BANK1: variants seen among roughly 807,000 people sequenced by gnomAD.
The protein encoded by BANK1 is B cell scaffold protein with ankyrin repeats 1, also known as B-cell scaffold protein with ankyrin repeats.
In BANK1, 95 loss-of-function variants were observed where a neutral mutation model predicts 94.5. That is an observed-to-expected ratio of 1.00 (90% CI 0.85 to 1.19). The LOEUF (loss-of-function observed/expected upper bound fraction) is 1.19, where lower values mean the gene tolerates loss of function less well. Among genes scored for constraint, BANK1 ranks in the 50% most tolerant of loss-of-function variants. The pLI is 0.00. For synonymous variants in BANK1, 334 were observed against 308.4 expected, an observed-to-expected ratio of 1.08 and a Z score of -0.87; for missense variants, 987 against 932.2, an observed-to-expected ratio of 1.06 and a Z score of -0.77.
intron 6 of BANK1, among the ~76,000 whole-genome samples, chr4:101,900,094 A>G (rs944207242): frequency 2.6e-5 from 4 of 152,160 alleles, no homozygotes; most frequent in African/African-American, 9.7e-5. Context: ...TGGACATAGT[A>G]TTTTCTCCCA....
chr4:101,894,232 T>A lies in BANK1; in HGVS notation c.904-1073T>A, dbSNP rs1054955628. Among the ~76,000 whole-genome samples the A allele has an allele frequency of 4.6e-5, 7 of 152,048 alleles. No homozygotes were observed. The South Asian group carries it at 8.3e-4, about 18-fold the overall frequency. On this transcript the variant is annotated intron_variant, in intron 5 of 16. Coordinates refer to ENST00000322953, the MANE Select transcript of BANK1 (RefSeq NM_017935.5). ...AGCTTTTTGTCACATTTTCCCTTCT[T>A]TTTTAAAAAAATGTAATCCAGAGCT...
chr4:102,002,205 C>T (rs1196599123), intron 7 of BANK1, among the ~76,000 whole-genome samples: 3 of 152,118 alleles, frequency 2.0e-5, no homozygotes, highest in African/African-American at 7.2e-5. Flanking sequence ...AGCACTTTAC[C>T]TCTTTCACAC....
chr4:101,793,024 G>A (rs1246776322), intron 1 of BANK1, among the ~76,000 whole-genome samples: 5 of 152,060 alleles, frequency 3.3e-5, no homozygotes, highest in African/African-American at 1.2e-4. Context: ...GTTTTAATTA[G>A]GGAGTGATTA....
At chr4:101,949,170 A>G (rs1166792382) in intron 7 of BANK1, among the ~76,000 whole-genome samples, 3 of 152,010 alleles carry the variant, frequency 2.0e-5, no homozygotes, top group Non-Finnish European at 4.4e-5. Context: ...GCTCTATGCA[A>G]TCTCTCATAT....
At chr4:101,813,772 G>A in intron 1 of BANK1, 1 of 643,284 alleles carries the variant, frequency 1.6e-6, no homozygotes, top group Non-Finnish European at 1.9e-6. Flanking sequence ...GGAGGCCTTG[G>A]GGAGCTTCTG....
intron 5 of BANK1, among the ~76,000 whole-genome samples, chr4:101,881,171 T>G (rs751540730): frequency 2.0e-5 from 3 of 151,848 alleles, no homozygotes; most frequent in Non-Finnish European, 4.4e-5. Context: ...GCAAACTACC[T>G]ATCTAACAAG....
rs528546364 is a variant in BANK1 at position 101,931,919 on chromosome 4, A to T, written c.1206+13730A>T. Reference sequence around the variant, plus strand: ...CATGGGCCATGGCAAAGCTATAAAAATCCATAACAATTCAGGAGTAACTAA... The same window carrying T: ...CATGGGCCATGGCAAAGCTATAAAATTCCATAACAATTCAGGAGTAACTAA... On this transcript the variant is annotated intron_variant, in intron 7 of 16. Coordinates refer to ENST00000322953, the MANE Select transcript of BANK1 (RefSeq NM_017935.5). Among the ~76,000 whole-genome samples the T allele has an allele frequency of 5.9e-5, 9 of 151,622 alleles. No homozygotes were observed. The South Asian group carries it at 1.9e-3, about 31-fold the overall frequency.
chr4:101,805,041 C>T (rs1217764382), intron 1 of BANK1, among the ~76,000 whole-genome samples: 1 of 152,098 alleles, frequency 6.6e-6, no homozygotes, highest in Non-Finnish European at 1.5e-5. Flanking sequence ...GCCACTATGT[C>T]AATAATCATG....
At chr4:101,843,049 T>C (rs1454551583) in intron 2 of BANK1, among the ~76,000 whole-genome samples, 1 of 152,260 alleles carries the variant, frequency 6.6e-6, no homozygotes, top group Admixed American at 6.5e-5. Flanking sequence ...TTAAAACTTT[T>C]AAAGTAAATG....
intron 1 of BANK1, among the ~76,000 whole-genome samples, chr4:101,811,485 TTATAA>T (rs1016114676): frequency 1.4e-4 from 21 of 152,232 alleles, no homozygotes; most frequent in Admixed American, 1.2e-3. Flanking sequence ...AAGAATAATA[TTATAA>T]TATACTGCAG....
At position 101,914,296 on chromosome 4, in the gene BANK1, C is replaced by T. The variant is rs76270694; in HGVS notation, c.1010-3697C>T. On this transcript the variant is annotated intron_variant, in intron 6 of 16. Transcript: ENST00000322953. Reference sequence around the variant, plus strand: ...CATAAGTCATAGACTTGAATGGTCACAGTTGCCTCCCCCAGCTCCACAGCT... The same window carrying T: ...CATAAGTCATAGACTTGAATGGTCATAGTTGCCTCCCCCAGCTCCACAGCT... 4.7e-3 allele frequency among the ~76,000 whole-genome samples: 711 copies of T among 152,188 alleles called. 13 individuals carry two copies. In the East Asian group the frequency reaches 0.057, roughly 12 times the overall value.
chr4:101,944,303 C>T (rs1184600905), intron 7 of BANK1, among the ~76,000 whole-genome samples: 1 of 151,782 alleles, frequency 6.6e-6, no homozygotes, highest in East Asian at 1.9e-4. Flanking sequence ...AATAATAAAA[C>T]ATTCTCCCAG....
chr4:102,031,545 T>C (rs1727312282), intron 10 of BANK1, among the ~76,000 whole-genome samples: 1 of 152,194 alleles, frequency 6.6e-6, no homozygotes, highest in African/African-American at 2.4e-5. Context: ...TTTAGAAACA[T>C]AGTGAGTAAA....
chr4:102,027,274 A>G (rs1219032629), intron 9 of BANK1, among the ~76,000 whole-genome samples: 2 of 151,788 alleles, frequency 1.3e-5, no homozygotes, highest in Non-Finnish European at 2.9e-5. Flanking sequence ...GTTAATTTCT[A>G]TATATGGTAT....
At chr4:101,844,302 GTAAT>G (rs538514002) in intron 2 of BANK1, among the ~76,000 whole-genome samples, 102 of 152,298 alleles carry the variant, frequency 6.7e-4, no homozygotes, top group African/African-American at 2.2e-3. Flanking sequence ...ATGTTGTAAA[GTAAT>G]TAGAGGGAAA....
At chr4:101,815,200 T>A (rs1311999342) in intron 1 of BANK1, among the ~76,000 whole-genome samples, 1 of 152,076 alleles carries the variant, frequency 6.6e-6, no homozygotes, top group African/African-American at 2.4e-5. Context: ...GGACCATAGG[T>A]CAGGAACTGT....
intron 7 of BANK1, among the ~76,000 whole-genome samples, chr4:101,981,689 G>A (rs1237313701): frequency 4.0e-5 from 6 of 151,840 alleles, no homozygotes; most frequent in African/African-American, 9.7e-5. Context: ...TTCCCTCATC[G>A]GTTAAAATGT....
chr4:101,944,124 G>A (rs1723849593), intron 7 of BANK1, among the ~76,000 whole-genome samples: 1 of 151,450 alleles, frequency 6.6e-6, no homozygotes, highest in African/African-American at 2.4e-5. Flanking sequence ...AGATCCAACT[G>A]ATTTAATACT....
At chr4:101,831,268 C>T (rs184558272) in intron 2 of BANK1, among the ~76,000 whole-genome samples, 6 of 152,312 alleles carry the variant, frequency 3.9e-5, no homozygotes, top group African/African-American at 1.4e-4. Flanking sequence ...AGTACAGCCA[C>T]AGTCTCTTGC....
Sources: gnomAD v4.1 joint callset for allele counts (sites outside exome capture counted in the v4.1 genomes callset) on GRCh38, gnomAD v4.1.1 for gene constraint, MANE v1.5 for transcripts, NCBI Gene and HGNC (gene_info 2026-07-23, HGNC 2026-07-21) for gene names.